The following ABCB10 variants were observed in gnomAD, a reference collection of about 807,000 sequenced individuals.
ABCB10 encodes ATP binding cassette subfamily B member 10.
ABCB10 carries 54 observed loss-of-function variants against 65.4 expected under a neutral mutation model. The observed-to-expected ratio is 0.83, with a 90% CI of 0.66 to 1.04. The LOEUF is 1.04. Ranked by LOEUF, ABCB10 falls within the 50% of genes least tolerant of loss-of-function variation. The probability of loss-of-function intolerance (pLI) is 0.00; values close to 1 mark genes in which losing one functional copy is unlikely to be tolerated. For synonymous variants in ABCB10, 418 were observed against 406.5 expected (o/e 1.03, Z -0.34); for missense variants, 846 against 976.6 (o/e 0.87, Z 1.78).
chr1:229,548,868 G>A (rs544224673), intron 2 of ABCB10, among the ~76,000 whole-genome samples: 34 of 151,900 alleles, frequency 2.2e-4, no homozygotes, highest in African/African-American at 8.2e-4. Flanking sequence ...TCACCATGTT[G>A]GCCAGGCTGG....
intron 1 of ABCB10, among the ~76,000 whole-genome samples, chr1:229,553,728 A>G (rs781155888): frequency 6.6e-6 from 1 of 151,016 alleles, no homozygotes; most frequent in Non-Finnish European, 1.5e-5. Flanking sequence ...TGACGAACTC[A>G]ACCTCAGAAC....
chr1:229,546,827 T>G (rs770950321), intron 3 of ABCB10, among the ~76,000 whole-genome samples: 14 of 152,082 alleles, frequency 9.2e-5, no homozygotes, highest in Admixed American at 5.2e-4. Context: ...AAGACTGCAG[T>G]GAGCTATGAT....
chr1:229,558,560 G>A lies in ABCB10; in HGVS notation c.93C>T (p.Ala31=). 6.9e-7 allele frequency: 1 copy of A among 1,443,272 alleles called. No homozygotes were observed. The highest frequency in any genetic ancestry group is 3.2e-5 in the East Asian group (1 of 31,400). 89.4% of individuals were successfully genotyped at this position (1,443,272 alleles called of 1,614,324 possible). The change falls in exon 1 of 13, where the codon GCC becomes GCT. Residue 31 remains alanine (A), a synonymous_variant. Coordinates refer to ENST00000344517, the MANE Select transcript of ABCB10 (RefSeq NM_012089.3). ...GRLLPVACVW[A]AASRVPGSLS... ...GGGACCCGGGAACGCGGCTGGCCGC[G>A]GCCCACACGCAGGCTACCGGCAGGA... is the stretch of plus-strand genomic sequence containing the variant.
chr1:229,542,451 G>A, intron 3 of ABCB10, 80 bp from the exon 4 acceptor site: 1 of 1,486,636 alleles, frequency 6.7e-7, no homozygotes, highest in Non-Finnish European at 9.1e-7. Context: ...AAAGGGGAGT[G>A]TGTGTGTGGG....
chr1:229,532,611 T>C (rs1405922132), intron 6 of ABCB10, among the ~76,000 whole-genome samples: 1 of 148,126 alleles, frequency 6.8e-6, no homozygotes, highest in African/African-American at 2.5e-5. Flanking sequence ...CCAGGCAAAA[T>C]GGTTCATGGC....
intron 1 of ABCB10, among the ~76,000 whole-genome samples, chr1:229,553,766 T>C (rs1405201742): frequency 6.6e-6 from 1 of 151,748 alleles, no homozygotes; most frequent in African/African-American, 2.4e-5. Context: ...GCATTCGTTA[T>C]CTTAAGTTCT....
rs1008308092 is a variant in ABCB10 at position 229,516,801 on chromosome 1, T to C, written c.*1378A>G. ...CACAAGTAGAGCTTGTTAAAAATGA[T>C]TGTCACAGATGTACTGTTTACTAAT... On this transcript the variant is annotated 3_prime_UTR_variant, in exon 13 of 13. Transcript: ENST00000344517. The C allele has an allele frequency of 4.6e-5, 7 of 152,224 alleles. No individual in the cohort carries two copies. The highest frequency in any genetic ancestry group is 1.9e-4 in the East Asian group (1 of 5,202). The allele number at this position is 152,224 out of a possible 1,614,324, so 9.4% of individuals were successfully genotyped here.
intron 1 of ABCB10, chr1:229,550,072 C>T (rs970455982): frequency 2.6e-5 from 4 of 152,282 alleles, no homozygotes; most frequent in African/African-American, 9.7e-5. Flanking sequence ...AACCGTTTCA[C>T]GGATCATTAC....
chr1:229,546,137 A>C (rs1418157781), intron 3 of ABCB10, among the ~76,000 whole-genome samples: 1 of 150,612 alleles, frequency 6.6e-6, no homozygotes, highest in African/African-American at 2.5e-5. Context: ...GTGCCATTGC[A>C]CTTCAGCCCG....
intron 7 of ABCB10, among the ~76,000 whole-genome samples, chr1:229,531,285 T>A (rs924146299): frequency 2.0e-5 from 3 of 152,124 alleles, no homozygotes; most frequent in African/African-American, 7.2e-5. Context: ...GATGTCAGAA[T>A]CACTAGGGAA....
intron 6 of ABCB10, chr1:229,535,068 A>C (rs919146101): frequency 1.6e-4 from 21 of 134,376 alleles, no homozygotes; most frequent in African/African-American, 5.3e-4. Context: ...AAAAAAAAAA[A>C]CCTTGCCAAT....
chr1:229,558,130 C>T lies in ABCB10; in HGVS notation c.517+6G>A. 7.2e-7 allele frequency: 1 copy of T among 1,392,840 alleles called. No homozygotes were observed. Among genetic ancestry groups the T allele is most frequent in the South Asian group, 1.5e-5 (1 of 66,604 alleles). 86.3% of individuals were successfully genotyped at this position (1,392,840 alleles called of 1,614,324 possible). On this transcript the variant is annotated splice_donor_region_variant and intron_variant, in intron 1 of 12. Transcript: ENST00000344517. The stretch of plus-strand genomic sequence containing the variant: ...GGCGGAGGGAAGTGGCCGGGGAGGA[C>T]CCTACCTGCCAGCCTCCGGCGCTCA...
At chr1:229,542,448 AGTGTGTGTGTGGGTGTGTCTGT>A in intron 3 of ABCB10, 77 bp from the exon 4 acceptor site, 1 of 1,521,296 alleles carries the variant, frequency 6.6e-7, no homozygotes, top group South Asian at 1.3e-5. Flanking sequence ...ACGAAAGGGG[AGTGTGTGTGTGGGTGTGTCTGT>A]GTGTGTGTGT....
At chr1:229,552,838 G>C (rs939909282) in intron 1 of ABCB10, among the ~76,000 whole-genome samples, 3 of 152,066 alleles carry the variant, frequency 2.0e-5, no homozygotes, top group Non-Finnish European at 4.4e-5. Flanking sequence ...GGGAGCCTAC[G>C]CAAGGTCTCC....
At chr1:229,528,726 C>G (rs562764195) in intron 8 of ABCB10, among the ~76,000 whole-genome samples, 1 of 151,904 alleles carries the variant, frequency 6.6e-6, no homozygotes, top group Non-Finnish European at 1.5e-5. Flanking sequence ...CAGGGTCTCA[C>G]TATGTTACCC....
intron 1 of ABCB10, 114 bp from the exon 2 acceptor site, chr1:229,549,548 A>C: frequency 1.0e-6 from 1 of 974,686 alleles, no homozygotes; most frequent in South Asian, 1.6e-5. Context: ...CGTTGATCTC[A>C]GTCTCTAGCA....
In ABCB10 at chr1:229,534,409, C is replaced by T. The variant is rs575691008; in HGVS notation, c.1340-2678G>A. ...TTTTTTTGTAAGAAAAAAATTCATTCGGTCACCATAGAGATGTCAAAAATT... is the reference window on the plus strand; with the variant it reads ...TTTTTTTGTAAGAAAAAAATTCATTTGGTCACCATAGAGATGTCAAAAATT... On this transcript the variant is annotated intron_variant, in intron 6 of 12. Transcript: ENST00000344517. Among the ~76,000 whole-genome samples the T allele has an allele frequency of 2.7e-3, 407 of 152,150 alleles. 2 individuals carry two copies. The highest frequency in any genetic ancestry group is 9.5e-3 in the African/African-American group (394 of 41,510).
At chr1:229,531,952 T>G (rs1366912748) in intron 6 of ABCB10, 4 of 352,844 alleles carry the variant, frequency 1.1e-5, no homozygotes, top group Non-Finnish European at 2.0e-5. Flanking sequence ...TCATAGTTTT[T>G]TTTTTTTTTT....
At chr1:229,531,822 T>C in intron 6 of ABCB10, 91 bp from the exon 7 acceptor site, 1 of 993,228 alleles carries the variant, frequency 1.0e-6, no homozygotes, top group Non-Finnish European at 1.5e-6. Flanking sequence ...ATGATTGCTT[T>C]TAATATAAAA....
Sources: allele counts gnomAD v4.1 joint callset (sites outside exome capture counted in the v4.1 genomes callset), GRCh38; gene constraint gnomAD v4.1.1; transcripts MANE v1.5; gene names NCBI Gene and HGNC (gene_info 2026-07-23, HGNC 2026-07-21).